TMEM132C: variants seen among roughly 807,000 people sequenced by gnomAD.
The protein encoded by TMEM132C is transmembrane protein 132C.
A neutral mutation model predicts 61.4 loss-of-function variants in TMEM132C; 29 were observed. That is an observed-to-expected ratio of 0.47 (90% CI 0.35 to 0.64). The LOEUF is 0.64. TMEM132C is among the 30% of genes least tolerant of loss of function. The pLI is 0.00. For missense variants in TMEM132C, 1,408 were observed against 1,476.9 expected, an observed-to-expected ratio of 0.95 and a Z score of 0.76; for synonymous variants, 656 against 633.1, an observed-to-expected ratio of 1.04 and a Z score of -0.54.
chr12:128,569,775 C>T (rs901605264), intron 3 of TMEM132C, among the ~76,000 whole-genome samples: 2 of 152,164 alleles, frequency 1.3e-5, no homozygotes, highest in Admixed American at 6.6e-5. Flanking sequence ...CCACACTGGG[C>T]TTGGATTAAT....
At chr12:128,403,010 A>G (rs1875222438) in intron 1 of TMEM132C, among the ~76,000 whole-genome samples, 1 of 152,196 alleles carries the variant, frequency 6.6e-6, no homozygotes, top group Non-Finnish European at 1.5e-5. Flanking sequence ...GAATATAAGT[A>G]CCTGCTCTTT....
At chr12:128,538,153 T>C (rs533837186) in intron 2 of TMEM132C, among the ~76,000 whole-genome samples, 9 of 152,038 alleles carry the variant, frequency 5.9e-5, no homozygotes, top group African/African-American at 2.2e-4. Context: ...GGAGTCTCGT[T>C]CTTGTTGCCC....
intron 1 of TMEM132C, among the ~76,000 whole-genome samples, chr12:128,409,090 G>A (rs116263337): frequency 0.01 from 1,595 of 152,250 alleles, 30 homozygotes; most frequent in African/African-American, 0.037. Context: ...AAGGAGATGG[G>A]CTTTCTTGGG....
chr12:128,693,775 G>A (rs1657203483), intron 5 of TMEM132C, 54 bp from the exon 6 acceptor site: 1 of 1,536,068 alleles, frequency 6.5e-7, no homozygotes, highest in African/African-American at 1.4e-5. Context: ...AAAAAGGATT[G>A]TCTCCAAGGC....
rs1872513872 is a variant in TMEM132C, at chr12:128,326,262, C to T, written c.85+58775C>T. On this transcript the variant is annotated intron_variant, in intron 1 of 8. Transcript: ENST00000435159. The surrounding 1 kb of genome is among the most constrained non-coding windows in gnomAD (Gnocchi z 5.6). ...TGAGCACCTCCATTCCTCCCCACCA[C>T]CATCACTCCATGAACCCCCCAGCCT... Among the ~76,000 whole-genome samples the T allele has an allele frequency of 6.6e-6, 1 of 152,180 alleles. No individual in the cohort carries two copies.
chr12:128,386,954 C>A (rs1290541423), intron 1 of TMEM132C, among the ~76,000 whole-genome samples: 1 of 151,842 alleles, frequency 6.6e-6, no homozygotes, highest in Non-Finnish European at 1.5e-5. Flanking sequence ...CGTAGTGAGA[C>A]CCACATCTCT....
chr12:128,684,228 T>A (rs1954657162), intron 5 of TMEM132C, among the ~76,000 whole-genome samples: 1 of 151,840 alleles, frequency 6.6e-6, no homozygotes, highest in African/African-American at 2.4e-5. Context: ...CTCGTTTCTG[T>A]ATCTCCATGC....
At chr12:128,544,147 G>T in intron 3 of TMEM132C, 44 bp downstream of exon 3, 3 of 1,463,454 alleles carry the variant, frequency 2.0e-6, no homozygotes, top group Non-Finnish European at 2.7e-6. Flanking sequence ...TCCTGGTCCC[G>T]GGCCCAGGCC....
At chr12:128,652,174 C>A (rs897888880) in intron 4 of TMEM132C, among the ~76,000 whole-genome samples, 1 of 152,114 alleles carries the variant, frequency 6.6e-6, no homozygotes, top group Non-Finnish European at 1.5e-5. Flanking sequence ...AGTAAACTCT[C>A]TTGAAATAGG....
intron 1 of TMEM132C, among the ~76,000 whole-genome samples, chr12:128,339,433 G>A (rs1471819870): frequency 1.3e-5 from 2 of 152,016 alleles, no homozygotes; most frequent in African/African-American, 4.8e-5. Flanking sequence ...GCATATCAAG[G>A]CCTGCGGTTC....
intron 2 of TMEM132C, among the ~76,000 whole-genome samples, chr12:128,530,422 G>A (rs1470174704): frequency 1.3e-5 from 2 of 151,924 alleles, no homozygotes; most frequent in Non-Finnish European, 2.9e-5. Flanking sequence ...GGAGTTGAGA[G>A]CACACATCCA....
chr12:128,664,236 C>T (rs1006738153), intron 4 of TMEM132C, among the ~76,000 whole-genome samples: 6 of 135,188 alleles, frequency 4.4e-5, no homozygotes, highest in African/African-American at 1.1e-4. Flanking sequence ...TCCATGAAGT[C>T]GTTCCAGAAG....
chr12:128,275,378 G>A (rs11059620), intron 1 of TMEM132C, among the ~76,000 whole-genome samples: 73,607 of 151,952 alleles, frequency 0.48, 18,192 homozygotes, highest in African/African-American at 0.58. Flanking sequence ...CTGTGCATGC[G>A]AGGGGCCTAG....
intron 2 of TMEM132C, among the ~76,000 whole-genome samples, chr12:128,478,199 C>T (rs904463922): frequency 2.0e-5 from 3 of 152,280 alleles, no homozygotes; most frequent in Middle Eastern, 3.4e-3. Flanking sequence ...CAGATAGACG[C>T]GTAATGAATG....
chr12:128,689,665 G>C (rs1444069014), intron 5 of TMEM132C, among the ~76,000 whole-genome samples: 1 of 152,102 alleles, frequency 6.6e-6, no homozygotes, highest in African/African-American at 2.4e-5. Context: ...TGGATATCCA[G>C]AGACAGGAGT....
intron 1 of TMEM132C, among the ~76,000 whole-genome samples, chr12:128,274,891 A>C (rs908095544): frequency 6.7e-6 from 1 of 148,762 alleles, no homozygotes; most frequent in African/African-American, 2.5e-5. Flanking sequence ...AGGTGATTCT[A>C]ACTCTCAGGG....
intron 2 of TMEM132C, among the ~76,000 whole-genome samples, chr12:128,434,255 C>T (rs1433977534): frequency 6.6e-6 from 1 of 152,180 alleles, no homozygotes. Context: ...ATTGCTGGAC[C>T]TCACTCTTAG....
chr12:128,492,499 C>G (rs1286994129), intron 2 of TMEM132C, among the ~76,000 whole-genome samples: 1 of 152,210 alleles, frequency 6.6e-6, no homozygotes, highest in Non-Finnish European at 1.5e-5. Context: ...TCTCCACATC[C>G]TCTCCAGCAC....
rs1158930682 is a variant in TMEM132C at position 128,640,479 on chromosome 12, T to TG, written c.1305+24149dup. Among the ~76,000 whole-genome samples, 5 of 151,924 alleles carry TG rather than the reference T, an allele frequency of 3.3e-5. No homozygotes were observed. In the East Asian group the frequency reaches 5.8e-4, roughly 18 times the overall value. ...GTGGCCGCCCAGGGCTGGGAGGGACTGGGGGCAACTCACAACTAAAGTGTG... is the reference window on the plus strand; with the variant it reads ...GTGGCCGCCCAGGGCTGGGAGGGACTGGGGGGCAACTCACAACTAAAGTGTG... On this transcript the variant is annotated intron_variant, in intron 4 of 8. Transcript: ENST00000435159.
Sources: gnomAD v4.1 joint callset for allele counts (sites outside exome capture counted in the v4.1 genomes callset) on GRCh38, gnomAD v4.1.1 for gene constraint, Gnocchi (gnomAD v3.1) non-coding constraint, MANE v1.5 for transcripts, NCBI Gene and HGNC (gene_info 2026-07-23, HGNC 2026-07-21) for gene names.